PLXDC2: variants seen among roughly 807,000 people sequenced by gnomAD.
PLXDC2 encodes the protein plexin domain-containing protein 2.
Under a neutral mutation model 68.9 loss-of-function variants are expected in PLXDC2, and 40 were observed. The observed-to-expected ratio is 0.58, with a 90% CI of 0.45 to 0.76. PLXDC2 has a LOEUF of 0.76. Ranked by LOEUF, PLXDC2 falls within the 30% of genes least tolerant of loss-of-function variation. The probability of loss-of-function intolerance (pLI) is 0.00; values close to 1 mark genes in which losing one functional copy is unlikely to be tolerated. For synonymous variants in PLXDC2, 243 were observed against 234.2 expected (o/e 1.04, Z -0.34); for missense variants, 644 against 661.9 (o/e 0.97, Z 0.30).
At chr10:20,082,050 A>C (rs1367781924) in intron 4 of PLXDC2, among the ~76,000 whole-genome samples, 12 of 141,966 alleles carry the variant, frequency 8.5e-5, no homozygotes, top group Non-Finnish European at 1.8e-4. Flanking sequence ...CATCTGAAAA[A>C]AAAAAAAAAA....
At position 20,242,180 on chromosome 10, in the gene PLXDC2, A is replaced by G. The variant is rs111484819; in HGVS notation, c.1313-3165A>G. On this transcript the variant is annotated intron_variant, in intron 12 of 13. Coordinates refer to ENST00000377252, the MANE Select transcript of PLXDC2 (RefSeq NM_032812.9). ...TGTGTCATACTCTTATAAAAATAAG[A>G]AAATAGACAAGTCCACAAGATGCGA... Among the ~76,000 whole-genome samples the G allele has an allele frequency of 4.7e-3, 712 of 152,328 alleles. 7 individuals carry two copies. The highest frequency in any genetic ancestry group is 0.016 in the African/African-American group (666 of 41,578).
chr10:20,213,451 T>C (rs1835095742), intron 10 of PLXDC2, among the ~76,000 whole-genome samples: 1 of 152,112 alleles, frequency 6.6e-6, no homozygotes, highest in African/African-American at 2.4e-5. Context: ...AATCTTACTA[T>C]ATACAGGACA....
intron 1 of PLXDC2, among the ~76,000 whole-genome samples, chr10:19,853,487 C>G (rs56341302): frequency 6.6e-6 from 1 of 151,720 alleles, no homozygotes; most frequent in South Asian, 2.1e-4. Context: ...AACTCCTGGT[C>G]TCAAGGGATC....
intron 4 of PLXDC2, among the ~76,000 whole-genome samples, chr10:20,097,327 C>T (rs753974515): frequency 2.6e-5 from 4 of 152,002 alleles, no homozygotes; most frequent in Non-Finnish European, 5.9e-5. Context: ...TAGCCCATGT[C>T]GTGTTGCGTT....
intron 3 of PLXDC2, among the ~76,000 whole-genome samples, chr10:20,064,167 G>A (rs1171096053): frequency 1.3e-5 from 2 of 150,014 alleles, no homozygotes; most frequent in Non-Finnish European, 3.0e-5. Flanking sequence ...AAATCCAAGA[G>A]CACATAATGT....
chr10:20,178,037 A>G (rs559452527), intron 9 of PLXDC2, among the ~76,000 whole-genome samples: 1 of 152,252 alleles, frequency 6.6e-6, no homozygotes, highest in South Asian at 2.1e-4. Context: ...ATTTTGGTTC[A>G]TATTCTACAG....
chr10:20,106,056 G>A (rs1418624165), intron 4 of PLXDC2, among the ~76,000 whole-genome samples: 1 of 152,184 alleles, frequency 6.6e-6, no homozygotes, highest in Non-Finnish European at 1.5e-5. Flanking sequence ...CAAAGATAAA[G>A]CAGAATTCTT....
At chr10:20,141,030 G>T (rs981755859) in intron 4 of PLXDC2, among the ~76,000 whole-genome samples, 4 of 151,818 alleles carry the variant, frequency 2.6e-5, no homozygotes, top group African/African-American at 9.7e-5. Flanking sequence ...TAATATTCTA[G>T]TAATAAAATA....
intron 1 of PLXDC2, among the ~76,000 whole-genome samples, chr10:19,830,400 T>C (rs973569900): frequency 1.3e-5 from 2 of 152,206 alleles, no homozygotes; most frequent in Admixed American, 1.3e-4. Flanking sequence ...ACAGTTTGTT[T>C]CTCTTATACT....
Position 19,870,768 on chromosome 10 carries a change from T to G in PLXDC2, c.112+53577T>G, listed in dbSNP as rs184459859. On this transcript the variant is annotated intron_variant, in intron 1 of 13. Coordinates refer to ENST00000377252, the MANE Select transcript of PLXDC2 (RefSeq NM_032812.9). ...CTTCAACTATTACTATTATGTTACA[T>G]TTGTTTCTATGTAACACCTGTTTGG... 2.0e-5 allele frequency among the ~76,000 whole-genome samples: 3 copies of G among 152,292 alleles called. No individual in the cohort carries two copies. In the East Asian group the frequency reaches 5.8e-4, roughly 29 times the overall value.
chr10:20,247,352 C>A (rs1342267580), intron 13 of PLXDC2, among the ~76,000 whole-genome samples: 1 of 151,732 alleles, frequency 6.6e-6, no homozygotes, highest in Non-Finnish European at 1.5e-5. Flanking sequence ...TGGCACATGC[C>A]TGTAGTCCAA....
chr10:19,902,474 C>A (rs1838176608), intron 1 of PLXDC2, among the ~76,000 whole-genome samples: 1 of 152,024 alleles, frequency 6.6e-6, no homozygotes, highest in African/African-American at 2.4e-5. Context: ...TGATTTGATT[C>A]TCAGCTTGGT....
chr10:19,944,066 G>A (rs1262086845), intron 1 of PLXDC2, among the ~76,000 whole-genome samples: 1 of 152,148 alleles, frequency 6.6e-6, no homozygotes, highest in East Asian at 1.9e-4. Flanking sequence ...ATAACGATTT[G>A]AAGAATTTTA....
intron 2 of PLXDC2, among the ~76,000 whole-genome samples, chr10:20,005,654 A>G (rs1342426525): frequency 1.3e-5 from 2 of 152,038 alleles, no homozygotes; most frequent in East Asian, 3.9e-4. Flanking sequence ...TCACATGATG[A>G]GAGCAGGAAC....
At chr10:20,264,475 T>A (rs528973401) in intron 13 of PLXDC2, among the ~76,000 whole-genome samples, 2 of 152,224 alleles carry the variant, frequency 1.3e-5, no homozygotes, top group South Asian at 4.1e-4. Context: ...AAAAATTTTT[T>A]AAAAAATCTA....
intron 4 of PLXDC2, among the ~76,000 whole-genome samples, chr10:20,085,964 A>G (rs542892196): frequency 2.0e-5 from 3 of 152,362 alleles, no homozygotes; most frequent in Non-Finnish European, 4.4e-5. Context: ...AAACTAAGCC[A>G]CTACTCATCC....
At chr10:19,873,474 A>G (rs1837580426) in intron 1 of PLXDC2, among the ~76,000 whole-genome samples, 1 of 146,506 alleles carries the variant, frequency 6.8e-6, no homozygotes, top group African/African-American at 2.5e-5. Context: ...GCAGTGGCAC[A>G]ATCATGGCTC....
chr10:20,068,539 A>C (rs1399434419), intron 4 of PLXDC2, among the ~76,000 whole-genome samples: 1 of 150,758 alleles, frequency 6.6e-6, no homozygotes, highest in Non-Finnish European at 1.5e-5. Flanking sequence ...GAATAGAGAT[A>C]GAAGGAAAGG....
rs767832570 is a variant in PLXDC2 at position 20,217,501 on chromosome 10, A to T, written c.1198A>T (p.Thr400Ser). The T allele has an allele frequency of 1.9e-6, 3 of 1,611,724 alleles. No homozygotes were observed. Among genetic ancestry groups the T allele is most frequent in the Middle Eastern group, 1.6e-4 (1 of 6,066 alleles). The change falls in exon 11 of 14, where the codon ACC becomes TCC. Residue 400 changes from threonine (T) to serine (S), a missense_variant. Transcript: ENST00000377252. The part of the protein sequence containing the change: ...SRTTTTVGAT[T>S]TQFRVLTTTR... ...AACCACCACAACCGTAGGAGCGACA[A>T]CCACCCAGTTCAGGGTCCTAACTAC...
Sources: allele counts gnomAD v4.1 joint callset (sites outside exome capture counted in the v4.1 genomes callset), GRCh38; gene constraint gnomAD v4.1.1; transcripts MANE v1.5; gene names NCBI Gene and HGNC (gene_info 2026-07-23, HGNC 2026-07-21).